The following DLG2 variants were observed in gnomAD, a reference collection of about 807,000 sequenced individuals.
The protein encoded by DLG2 is discs large MAGUK scaffold protein 2.
Under a neutral mutation model 132.5 loss-of-function variants are expected in DLG2, and 45 were observed. The ratio of observed to expected loss-of-function variants is 0.34; its 90% CI spans 0.27 to 0.44. The LOEUF is 0.44. Ranked by LOEUF, DLG2 falls within the 20% of genes least tolerant of loss-of-function variation. DLG2 has a pLI of 1.00. For synonymous variants in DLG2, 424 were observed against 419.6 expected, an observed-to-expected ratio of 1.01 and a Z score of -0.13; for missense variants, 1,045 against 1,196.9, an observed-to-expected ratio of 0.87 and a Z score of 1.87.
intron 18 of DLG2, chr11:83,724,990 T>C: frequency 2.9e-6 from 2 of 692,908 alleles, no homozygotes; most frequent in East Asian, 2.7e-5. Context: ...CTCCTGACGC[T>C]CTTGAGTGGT....
intron 7 of DLG2, among the ~76,000 whole-genome samples, chr11:84,272,964 T>C (rs1156597170): frequency 6.6e-6 from 1 of 152,128 alleles, no homozygotes; most frequent in Non-Finnish European, 1.5e-5. Flanking sequence ...GATTAATGCT[T>C]GGACATATTA....
rs575055548 is a variant in DLG2, at chr11:84,228,847, C to T, written c.573+22391G>A. Among the ~76,000 whole-genome samples, 15 of 152,266 alleles carry T rather than the reference C, an allele frequency of 9.9e-5. No homozygotes were observed. In the South Asian group the frequency reaches 2.3e-3, roughly 23 times the overall value. The stretch of plus-strand genomic sequence containing the variant: ...AAGCTGGTGGGCTCTGTATTGATGT[C>T]GCCTGGCTTCAACTTTAGCTTCAGT... On this transcript the variant is annotated intron_variant, in intron 8 of 27. Coordinates refer to ENST00000376104, the MANE Select transcript of DLG2 (RefSeq NM_001142699.3).
At chr11:83,499,887 A>G (rs563874333) in intron 21 of DLG2, among the ~76,000 whole-genome samples, 1 of 100,398 alleles carries the variant, frequency 1.0e-5, no homozygotes, top group Non-Finnish European at 2.0e-5. Context: ...ATATATATAT[A>G]TATATATATA....
At chr11:84,708,794 G>A (rs777764425) in intron 6 of DLG2, among the ~76,000 whole-genome samples, 1 of 151,864 alleles carries the variant, frequency 6.6e-6, no homozygotes, top group African/African-American at 2.4e-5. Context: ...CACAAGTACA[G>A]AGAGAAAATG....
chr11:84,999,127 A>C (rs1190589629), intron 6 of DLG2, among the ~76,000 whole-genome samples: 2 of 152,050 alleles, frequency 1.3e-5, no homozygotes, highest in Non-Finnish European at 2.9e-5. Context: ...GGCTCAGATT[A>C]TATCTGACCA....
intron 6 of DLG2, among the ~76,000 whole-genome samples, chr11:84,978,223 A>G (rs2055197636): frequency 6.6e-6 from 1 of 152,210 alleles, no homozygotes; most frequent in African/African-American, 2.4e-5. Flanking sequence ...CTAGTCAAAG[A>G]AACACTGAAG....
rs2094791431 is a variant in DLG2 at position 83,780,906 on chromosome 11, G to C, written c.1825+5784C>G. Among the ~76,000 whole-genome samples the C allele has an allele frequency of 2.0e-5, 3 of 152,282 alleles. No individual in the cohort carries two copies. In the South Asian group the frequency reaches 6.2e-4, roughly 32 times the overall value. Reference sequence around the variant, plus strand: ...AGGGAGTCCAACCCAACAGTGACAAGTGACAATTTTTGCAGGGTCTCCAAG... The same window carrying C: ...AGGGAGTCCAACCCAACAGTGACAACTGACAATTTTTGCAGGGTCTCCAAG... On this transcript the variant is annotated intron_variant, in intron 18 of 27. Transcript: ENST00000376104.
intron 4 of DLG2, among the ~76,000 whole-genome samples, chr11:85,157,587 T>C (rs1274526579): frequency 2.0e-5 from 3 of 152,116 alleles, no homozygotes; most frequent in Non-Finnish European, 4.4e-5. Context: ...CTGAGTTCAG[T>C]GGACAAAGTG....
chr11:85,450,415 T>G (rs1357955798), intron 3 of DLG2, among the ~76,000 whole-genome samples: 1 of 152,176 alleles, frequency 6.6e-6, no homozygotes, highest in Non-Finnish European at 1.5e-5. Flanking sequence ...GCCTGGTCAT[T>G]AAAACAGGAT....
intron 8 of DLG2, among the ~76,000 whole-genome samples, chr11:84,169,833 G>A (rs1027495354): frequency 3.3e-5 from 5 of 150,636 alleles, no homozygotes; most frequent in Non-Finnish European, 7.4e-5. Flanking sequence ...AGTTCACATC[G>A]CTGCACTTCA....
intron 7 of DLG2, among the ~76,000 whole-genome samples, chr11:84,323,828 T>A (rs1181083063): frequency 6.6e-6 from 1 of 151,952 alleles, no homozygotes; most frequent in African/African-American, 2.4e-5. Context: ...TTGAGCATTT[T>A]TTCATATACC....
chr11:83,880,979 G>A (rs780878113), intron 15 of DLG2, among the ~76,000 whole-genome samples: 5 of 152,012 alleles, frequency 3.3e-5, no homozygotes, highest in Admixed American at 6.6e-5. Context: ...TTGCTTGTAT[G>A]TGCTTACATT....
rs137879702 is a variant in DLG2 at position 83,462,817 on chromosome 11, A to T, written c.2730-724T>A. On this transcript the variant is annotated intron_variant, in intron 26 of 27. Coordinates refer to ENST00000376104, the MANE Select transcript of DLG2 (RefSeq NM_001142699.3). Reference sequence around the variant, plus strand: ...AAATTTGTACAACTATTATATATAAATTTTTTTTAAAAGGCTCAAGGATAA... The same window carrying T: ...AAATTTGTACAACTATTATATATAATTTTTTTTTAAAAGGCTCAAGGATAA... 3.2e-3 allele frequency among the ~76,000 whole-genome samples: 491 copies of T among 152,138 alleles called. 1 individual carries two copies. Among genetic ancestry groups the T allele is most frequent in the African/African-American group, 0.011 (450 of 41,498 alleles).
chr11:85,428,705 A>G (rs1162173995), intron 3 of DLG2, among the ~76,000 whole-genome samples: 1 of 152,258 alleles, frequency 6.6e-6, no homozygotes, highest in African/African-American at 2.4e-5. Flanking sequence ...CCCTAACATC[A>G]TAATTAAAAG....
chr11:84,849,112 G>A (rs2081872871), intron 6 of DLG2, among the ~76,000 whole-genome samples: 1 of 152,058 alleles, frequency 6.6e-6, no homozygotes, highest in South Asian at 2.1e-4. Flanking sequence ...GGTTATGAGA[G>A]GAACCTCATA....
chr11:83,587,246 T>C (rs1467706599), intron 19 of DLG2, among the ~76,000 whole-genome samples: 1 of 152,036 alleles, frequency 6.6e-6, no homozygotes, highest in Non-Finnish European at 1.5e-5. Context: ...CTCCAGTTTC[T>C]CCCATCTAAC....
intron 3 of DLG2, among the ~76,000 whole-genome samples, chr11:85,384,772 T>G (rs1177234432): frequency 6.6e-6 from 1 of 152,118 alleles, no homozygotes; most frequent in African/African-American, 2.4e-5. Flanking sequence ...TTCACCATGT[T>G]GGCCAGGCTG....
intron 6 of DLG2, among the ~76,000 whole-genome samples, chr11:84,976,731 A>G (rs2054959286): frequency 6.6e-6 from 1 of 152,130 alleles, no homozygotes; most frequent in Non-Finnish European, 1.5e-5. Flanking sequence ...ACCTTTTAAG[A>G]TACAATTTTA....
At chr11:85,370,127 C>T (rs900009982) in intron 3 of DLG2, among the ~76,000 whole-genome samples, 1 of 152,166 alleles carries the variant, frequency 6.6e-6, no homozygotes, top group South Asian at 2.1e-4. Context: ...ACATACGGAA[C>T]TAACCATGCC....
Sources: allele counts gnomAD v4.1 joint callset (sites outside exome capture counted in the v4.1 genomes callset), GRCh38; gene constraint gnomAD v4.1.1; transcripts MANE v1.5; gene names NCBI Gene and HGNC (gene_info 2026-07-23, HGNC 2026-07-21).